The following KIF25 variants were observed in gnomAD, a reference collection of about 807,000 sequenced individuals.
KIF25 encodes the protein kinesin-like protein KIF25.
In KIF25, 19 loss-of-function variants were observed where a neutral mutation model predicts 32.9. That is an observed-to-expected ratio of 0.58 (90% CI 0.40 to 0.85). KIF25 has a LOEUF of 0.85. Ranked by LOEUF, KIF25 falls within the 40% of genes least tolerant of loss-of-function variation. The pLI is 0.00. For synonymous variants in KIF25, 225 were observed against 213.7 expected (o/e 1.05, Z -0.46); for missense variants, 485 against 507.0 (o/e 0.96, Z 0.42).
At chr6:168,037,654 TC>T (rs1799043578) in intron 8 of KIF25, among the ~76,000 whole-genome samples, 2 of 151,716 alleles carry the variant, frequency 1.3e-5, no homozygotes, top group African/African-American at 4.9e-5. Flanking sequence ...TTTCTCTCTC[TC>T]TCTCTCTCTC....
intron 4 of KIF25, among the ~76,000 whole-genome samples, chr6:168,005,149 A>G (rs7773670): frequency 0.33 from 50,026 of 151,926 alleles, 8,676 homozygotes; most frequent in East Asian, 0.53. Context: ...CAAGCCTGGC[A>G]TGCACGAGCT....
At chr6:168,006,371 T>A (rs1798580435) in intron 4 of KIF25, among the ~76,000 whole-genome samples, 1 of 152,280 alleles carries the variant, frequency 6.6e-6, no homozygotes, top group Non-Finnish European at 1.5e-5. Flanking sequence ...TCTTATCATT[T>A]AAAAATGCAG....
chr6:168,039,175 T>TA (rs1799079786), intron 9 of KIF25, among the ~76,000 whole-genome samples: 1 of 152,072 alleles, frequency 6.6e-6, no homozygotes, highest in Non-Finnish European at 1.5e-5. Context: ...AATGTATCTT[T>TA]AAAAAAACCT....
intron 5 of KIF25, among the ~76,000 whole-genome samples, chr6:168,028,076 A>T (rs1239514593): frequency 1.3e-5 from 2 of 152,144 alleles, no homozygotes; most frequent in Non-Finnish European, 2.9e-5. Context: ...GGTTTTCATT[A>T]AACTCGTGGT....
chr6:168,008,671 C>T (rs1319670511), intron 4 of KIF25, among the ~76,000 whole-genome samples: 3 of 152,076 alleles, frequency 2.0e-5, no homozygotes, highest in African/African-American at 7.2e-5. Context: ...GTTGTATTGT[C>T]ATTTTAACAA....
chr6:168,039,417 G>A (rs1799083097), intron 9 of KIF25, among the ~76,000 whole-genome samples: 1 of 152,250 alleles, frequency 6.6e-6, no homozygotes, highest in Admixed American at 6.5e-5. Flanking sequence ...TGGATGTGCT[G>A]GGTTTGCCCC....
rs769245919 is a variant in KIF25, at chr6:168,003,663, G to C, written c.-203G>C. 2.0e-5 allele frequency: 3 copies of C among 152,188 alleles called. No homozygotes were observed. Among genetic ancestry groups the C allele is most frequent in the Non-Finnish European group, 4.4e-5 (3 of 68,034 alleles). The allele number at this position is 152,188 out of a possible 1,614,324, so 9.4% of individuals were successfully genotyped here. A position where few individuals can be genotyped will look rare whatever the true frequency, so the allele number is the denominator to read the frequency against. ...TGCTGTTGATGACCTGAGTCTACAAGTTTCCTCACAAATTGTATTCAGAGA... is the reference window on the plus strand; with the variant it reads ...TGCTGTTGATGACCTGAGTCTACAACTTTCCTCACAAATTGTATTCAGAGA... On this transcript the variant is annotated 5_prime_UTR_variant, in exon 4 of 13. Coordinates refer to ENST00000643607, the MANE Select transcript of KIF25 (RefSeq NM_030615.4).
At chr6:168,005,962 C>A (rs551314518) in intron 4 of KIF25, among the ~76,000 whole-genome samples, 1 of 152,220 alleles carries the variant, frequency 6.6e-6, no homozygotes, top group Non-Finnish European at 1.5e-5. Context: ...CATCTACTGA[C>A]GAGAACATGC....
chr6:168,001,545 GGC>G (rs1456609683), intron 2 of KIF25, among the ~76,000 whole-genome samples: 8 of 99,766 alleles, frequency 8.0e-5, no homozygotes, highest in African/African-American at 1.8e-4. Context: ...CCTCATCTGA[GGC>G]GTGGCCTCGG....
intron 4 of KIF25, among the ~76,000 whole-genome samples, chr6:168,017,084 C>T (rs566345418): frequency 2.6e-5 from 4 of 152,378 alleles, no homozygotes; most frequent in South Asian, 2.1e-4. Context: ...CACGACTGCC[C>T]GTCCAGCAGT....
intron 4 of KIF25, among the ~76,000 whole-genome samples, chr6:168,011,985 T>C (rs1562381983): frequency 6.6e-6 from 1 of 152,158 alleles, no homozygotes; most frequent in Non-Finnish European, 1.5e-5. Flanking sequence ...GTATTTTTTA[T>C]TTCTCTATTA....
intron 10 of KIF25, 118 bp downstream of exon 10, chr6:168,040,334 G>A (rs59139252): frequency 0.024 from 24,265 of 1,026,694 alleles, 812 homozygotes; most frequent in African/African-American, 0.12. Context: ...GGGAGACTGA[G>A]GCGGGTGGAT....
intron 4 of KIF25, among the ~76,000 whole-genome samples, chr6:168,011,125 T>C (rs923685094): frequency 1.3e-5 from 2 of 152,140 alleles, no homozygotes; most frequent in Admixed American, 1.3e-4. Context: ...TTATTATTAA[T>C]AGGTGAGGAC....
chr6:168,029,396 C>T, intron 5 of KIF25, 96 bp from the exon 6 acceptor site: 1 of 830,348 alleles, frequency 1.2e-6, no homozygotes, highest in Non-Finnish European at 1.8e-6. Flanking sequence ...GAAATGCGAA[C>T]ACTGACTTTT....
intron 5 of KIF25, among the ~76,000 whole-genome samples, chr6:168,026,727 A>T (rs1342798516): frequency 6.6e-6 from 1 of 152,210 alleles, no homozygotes; most frequent in Non-Finnish European, 1.5e-5. Context: ...AATATTATTT[A>T]AAAAAGGCAA....
rs1417799490 is a variant in KIF25, at chr6:168,042,031, A to T, written c.709A>T (p.Ser237Cys). The part of the protein sequence containing the change: ...EQTEAGRAGR[S>C]RRASQGALAP... ...AACAGAGGCAGGAAGGGCAGGAAGG[A>T]GCCGCAGAGCTTCTCAAGGGGCCTT... The change falls in exon 11 of 13, where the codon AGC (serine) becomes TGC (cysteine). Residue 237 changes from serine (S) to cysteine (C), a missense_variant. Physicochemically the swap from Ser to Cys is moderately radical, Grantham distance 112 (BLOSUM62 -1). This residue lies in a region of KIF25 where 480 missense variants were observed against 470.3 expected (regional missense o/e 1.02). Transcript: ENST00000643607. The T allele has an allele frequency of 1.3e-6, 2 of 1,551,382 alleles. No individual in the cohort carries two copies. Among genetic ancestry groups the T allele is most frequent in the Non-Finnish European group, 1.7e-6 (2 of 1,147,108 alleles).
At chr6:168,010,112 G>C (rs1430977003) in intron 4 of KIF25, among the ~76,000 whole-genome samples, 7 of 151,738 alleles carry the variant, frequency 4.6e-5, no homozygotes, top group African/African-American at 1.7e-4. Flanking sequence ...GGTTTGATTT[G>C]TTCTTGCTTT....
chr6:168,041,060 C>A (rs1313008918), intron 10 of KIF25, among the ~76,000 whole-genome samples: 2 of 152,148 alleles, frequency 1.3e-5, no homozygotes, highest in African/African-American at 4.8e-5. Context: ...GATGCGGCTC[C>A]GGGGACCACA....
Position 168,023,245 on chromosome 6 carries a change from T to C in KIF25, c.-95+5205T>C, listed in dbSNP as rs973305682. On this transcript the variant is annotated intron_variant, in intron 5 of 12. Transcript: ENST00000643607. ...CAGCCTTTTTCCACTCTTCATTTCT[T>C]GCACCTAGGAAGTTTCCTTCTTCCT... 4.6e-5 allele frequency among the ~76,000 whole-genome samples: 7 copies of C among 151,166 alleles called. No homozygotes were observed. The East Asian group carries it at 1.4e-3, about 30-fold the overall frequency.
Sources: allele counts gnomAD v4.1 joint callset (sites outside exome capture counted in the v4.1 genomes callset), GRCh38; gene constraint gnomAD v4.1.1; regional missense constraint gnomAD v4.1.1; transcripts MANE v1.5; gene names NCBI Gene and HGNC (gene_info 2026-07-23, HGNC 2026-07-21).